Variants in ABCA4 observed in about 807,000 individuals in gnomAD.
ABCA4 encodes retinal-specific phospholipid-transporting ATPase ABCA4.
A neutral mutation model predicts 263.7 loss-of-function variants in ABCA4; 196 were observed. That is an observed-to-expected ratio of 0.74 (90% CI 0.66 to 0.84). ABCA4 has a LOEUF of 0.84. ABCA4 is among the 40% of genes least tolerant of loss of function. The pLI is 0.00. For missense variants in ABCA4, 2,792 were observed against 2,855.1 expected (o/e 0.98, Z 0.50); for synonymous variants, 1,133 against 1,094.2 (o/e 1.04, Z -0.70).
chr1:94,070,032 A>G (rs1357024028), intron 11 of ABCA4, among the ~76,000 whole-genome samples: 2 of 152,250 alleles, frequency 1.3e-5, no homozygotes, highest in Non-Finnish European at 2.9e-5. Flanking sequence ...GAAGAGAATC[A>G]CCTGGCTGAC....
chr1:94,016,431 G>A (rs575079434), intron 36 of ABCA4, among the ~76,000 whole-genome samples: 2 of 152,136 alleles, frequency 1.3e-5, no homozygotes, highest in Admixed American at 6.5e-5. Flanking sequence ...GGCTGATCTG[G>A]TGCAGGGTAT....
Position 94,010,788 on chromosome 1 carries a change from G to T in ABCA4, c.5714+12C>A. On this transcript the variant is annotated intron_variant, in intron 40 of 49. Transcript: ENST00000370225. ...GAGCTGCCCACTGGCCCAGGGTGTG[G>T]CATGGACGTACCATTGGGAGAGGAA... 1.2e-6 allele frequency: 2 copies of T among 1,614,156 alleles called. No homozygotes were observed. The highest frequency in any genetic ancestry group is 1.7e-6 in the Non-Finnish European group (2 of 1,180,032).
chr1:94,063,764 C>G (rs1661193558), intron 11 of ABCA4, among the ~76,000 whole-genome samples: 2 of 152,192 alleles, frequency 1.3e-5, no homozygotes, highest in Admixed American at 6.5e-5. Context: ...CTTTCTGGCT[C>G]TCTCCAAACA....
At chr1:94,052,477 C>T (rs371138362) in intron 16 of ABCA4, among the ~76,000 whole-genome samples, 12 of 152,200 alleles carry the variant, frequency 7.9e-5, no homozygotes, top group African/African-American at 1.9e-4. Flanking sequence ...TTATCTCCAC[C>T]GCTCTGTTCC....
intron 25 of ABCA4, 29 bp from the exon 26 acceptor site, chr1:94,036,817 T>C (rs1660350997): frequency 6.2e-7 from 1 of 1,608,932 alleles, no homozygotes; most frequent in African/African-American, 1.3e-5. Flanking sequence ...GAGAGAATTT[T>C]GTTTAGTCAT....
At chr1:94,007,530 A>T (rs942973404) in intron 43 of ABCA4, 104 bp downstream of exon 43, 2 of 1,043,706 alleles carry the variant, frequency 1.9e-6, no homozygotes, top group Non-Finnish European at 3.0e-6. Context: ...CAGATCTTTC[A>T]GGGCCTCAGA....
chr1:94,055,915 C>T (rs556471787), intron 15 of ABCA4, among the ~76,000 whole-genome samples: 45 of 152,238 alleles, frequency 3.0e-4, no homozygotes, highest in East Asian at 7.7e-4. Flanking sequence ...AGGGAGACTC[C>T]GGAGGACAAG....
intron 29 of ABCA4, among the ~76,000 whole-genome samples, 174 bp downstream of exon 29, chr1:94,030,254 T>C (rs1186791558): frequency 6.6e-6 from 1 of 152,172 alleles, no homozygotes; most frequent in Non-Finnish European, 1.5e-5. Flanking sequence ...AGGTAGTGAA[T>C]GTCCCTGCAC....
At chr1:94,024,874 G>A in intron 31 of ABCA4, 80 bp downstream of exon 31, 1 of 1,269,126 alleles carries the variant, frequency 7.9e-7, no homozygotes, top group Admixed American at 1.8e-5. Context: ...CATAAATTGA[G>A]AGAGAAAATT....
In ABCA4 at chr1:94,008,261, G is replaced by C. The variant is rs916003424; in HGVS notation, c.5872C>G (p.Leu1958Val). The C allele has an allele frequency of 5.0e-6, 8 of 1,614,020 alleles. No individual in the cohort carries two copies. Among genetic ancestry groups the C allele is most frequent in the Non-Finnish European group, 6.8e-6 (8 of 1,180,040 alleles). Residue 1958 changes from leucine to valine, a missense_variant, in exon 42 of 50, where the codon CTG becomes GTG. Transcript: ENST00000370225. ...PGTSSPAVDR[L>V]CVGVRPGECF... ...TCTCCAGGGCGAACTCCGACACACAGCCTGTCCACTGCTGGGCTGGAGGTG... is the reference window on the plus strand; with the variant it reads ...TCTCCAGGGCGAACTCCGACACACACCCTGTCCACTGCTGGGCTGGAGGTG...
At chr1:94,097,267 G>A (rs376271622) in intron 6 of ABCA4, among the ~76,000 whole-genome samples, 1 of 152,142 alleles carries the variant, frequency 6.6e-6, no homozygotes, top group East Asian at 1.9e-4. Flanking sequence ...TGGGAAAATC[G>A]TAGAGTAACT....
rs1419636627 is a variant in ABCA4 at position 94,019,601 on chromosome 1, G to T, written c.5177C>A (p.Thr1726Asn). The T allele has an allele frequency of 7.5e-6, 12 of 1,608,648 alleles. No individual in the cohort carries two copies. The highest frequency in any genetic ancestry group is 1.0e-5 in the Non-Finnish European group (12 of 1,177,332). The change falls in exon 36 of 50, where the codon ACC becomes AAC. Residue 1726 changes from threonine (T) to asparagine (N), a missense_variant. Thr to Asn is a moderately conservative substitution (Grantham distance 65). Coordinates refer to ENST00000370225, the MANE Select transcript of ABCA4 (RefSeq NM_000350.3). ...ACTTACGATGTCCCAGAGGAAGTTG[G>T]TCACCCAGTAGGTGGTGGGGCTCAC... Reference protein sequence around the residue: ...SGVSPTTYWVTNFLWDIMNYS... With the variant: ...SGVSPTTYWVNNFLWDIMNYS...
intron 18 of ABCA4, among the ~76,000 whole-genome samples, chr1:94,048,202 GGCTGT>G (rs1426703874): frequency 1.3e-5 from 2 of 152,250 alleles, no homozygotes; most frequent in Non-Finnish European, 2.9e-5. Context: ...AGAGCCCAGG[GGCTGT>G]GCTGCCTGTC....
At chr1:94,053,135 T>G (rs57484952) in intron 16 of ABCA4, among the ~76,000 whole-genome samples, 3,025 of 152,236 alleles carry the variant, frequency 0.02, 87 homozygotes, top group African/African-American at 0.061. Flanking sequence ...TAGAAACTCT[T>G]CCCCCGACCC....
In ABCA4 at chr1:94,037,215, C is replaced by T. The variant is rs909796557; in HGVS notation, c.3743G>A (p.Arg1248Lys). 3 of 1,614,104 alleles carry T rather than the reference C, an allele frequency of 1.9e-6. No individual in the cohort carries two copies. The African/African-American group carries it at 4.0e-5, about 22-fold the overall frequency. ...FKHRAYASLFRELEETLADLG... is the reference protein window; with the variant it reads ...FKHRAYASLFKELEETLADLG... The stretch of plus-strand genomic sequence containing the variant: ...GTCAGCCAGCGTCTCCTCCAGCTCT[C>T]TGAAAAGGCTGGCATATGCTCTGTG... Residue 1248 changes from arginine (R) to lysine (K), a missense_variant, in exon 25 of 50, where the codon AGA becomes AAA. By Grantham distance (26) the Arg-to-Lys change is conservative. Transcript: ENST00000370225.
At chr1:94,098,696 A>T in intron 6 of ABCA4, 98 bp downstream of exon 6, 1 of 1,401,646 alleles carries the variant, frequency 7.1e-7, no homozygotes, top group Non-Finnish European at 1.0e-6. Context: ...AGGATTGTCC[A>T]GAACACCAGG....
At position 94,026,944 on chromosome 1, in the gene ABCA4, G is replaced by C. The variant is rs532585246; in HGVS notation, c.4540-1896C>G. ...TGTGAGTGTGTGTGTGTGAGAAAGA[G>C]AGAGAGAGAGAAAGATAGAGAGAGA... On this transcript the variant is annotated intron_variant, in intron 30 of 49. Coordinates refer to ENST00000370225, the MANE Select transcript of ABCA4 (RefSeq NM_000350.3). Among the ~76,000 whole-genome samples, 4 of 152,134 alleles carry C rather than the reference G, an allele frequency of 2.6e-5. No homozygotes were observed. The South Asian group carries it at 8.3e-4, about 32-fold the overall frequency.
chr1:94,018,835 G>A (rs971372972), intron 36 of ABCA4, among the ~76,000 whole-genome samples: 4 of 151,782 alleles, frequency 2.6e-5, no homozygotes, highest in African/African-American at 9.7e-5. Flanking sequence ...CACCAACCTT[G>A]GTTGTCAGGA....
At chr1:94,099,344 G>A (rs1662226992) in intron 5 of ABCA4, among the ~76,000 whole-genome samples, 1 of 152,170 alleles carries the variant, frequency 6.6e-6, no homozygotes, top group South Asian at 2.1e-4. Flanking sequence ...CAGGAAAATG[G>A]ATTTTTCTCT....
Sources: allele counts gnomAD v4.1 joint callset (sites outside exome capture counted in the v4.1 genomes callset), GRCh38; gene constraint gnomAD v4.1.1; transcripts MANE v1.5; gene names NCBI Gene and HGNC (gene_info 2026-07-23, HGNC 2026-07-21).